The following ARHGAP26 variants were observed in gnomAD, a reference collection of about 807,000 sequenced individuals.
ARHGAP26 encodes the protein rho GTPase-activating protein 26.
A neutral mutation model predicts 104.8 loss-of-function variants in ARHGAP26; 38 were observed. The observed-to-expected ratio is 0.36, with a 90% CI of 0.28 to 0.48. ARHGAP26 has a LOEUF of 0.48. Among genes scored for constraint, ARHGAP26 ranks in the 20% least tolerant of loss-of-function variants. ARHGAP26 has a pLI of 0.99. For synonymous variants in ARHGAP26, 341 were observed against 340.0 expected (o/e 1.00, Z -0.03); for missense variants, 704 against 947.9 (o/e 0.74, Z 3.38).
rs193231341 is a variant in ARHGAP26, at chr5:142,869,741, A to T, written c.155-3659A>T. On this transcript the variant is annotated intron_variant, in intron 1 of 22. Transcript: ENST00000645722. The stretch of plus-strand genomic sequence containing the variant: ...AAAATTAAGGTAGATTCTAATTTTT[A>T]AAAAATTATGGTAAACCTTCTGTGT... Among the ~76,000 whole-genome samples the T allele has an allele frequency of 1.6e-4, 25 of 152,350 alleles. No individual in the cohort carries two copies. In the East Asian group the frequency reaches 4.6e-3, roughly 28 times the overall value.
chr5:142,962,814 T>C (rs1047521790), intron 11 of ARHGAP26, among the ~76,000 whole-genome samples: 1 of 152,024 alleles, frequency 6.6e-6, no homozygotes, highest in African/African-American at 2.4e-5. Flanking sequence ...TAACTTTTAT[T>C]TTAAGTTCAG....
chr5:142,991,573 A>AG (rs2152756852), intron 11 of ARHGAP26, among the ~76,000 whole-genome samples: 1 of 152,162 alleles, frequency 6.6e-6, no homozygotes, highest in Non-Finnish European at 1.5e-5. Flanking sequence ...AGCTGTTCCT[A>AG]TTTGGCCATC....
At chr5:143,014,292 C>T (rs1332584375) in intron 12 of ARHGAP26, 176 bp downstream of exon 12, 7 of 658,234 alleles carry the variant, frequency 1.1e-5, no homozygotes, top group South Asian at 1.8e-5. Context: ...TCCAGAGGGA[C>T]GGTAAGTGAG....
At chr5:142,933,026 A>G (rs1239582061) in intron 11 of ARHGAP26, among the ~76,000 whole-genome samples, 1 of 152,260 alleles carries the variant, frequency 6.6e-6, no homozygotes, top group Non-Finnish European at 1.5e-5. Flanking sequence ...CTGATGATTT[A>G]GGCACAGTTT....
chr5:143,127,655 G>C (rs1245139553), intron 18 of ARHGAP26, among the ~76,000 whole-genome samples: 1 of 152,190 alleles, frequency 6.6e-6, no homozygotes, highest in Non-Finnish European at 1.5e-5. Flanking sequence ...TTACAATGTA[G>C]TTAGCTCAAT....
chr5:143,214,884 A>G (rs555397652), intron 22 of ARHGAP26, among the ~76,000 whole-genome samples: 311 of 152,308 alleles, frequency 2.0e-3, no homozygotes, highest in Non-Finnish European at 3.6e-3. Flanking sequence ...ATCGTTCTCA[A>G]AGCCTCAAGC....
At chr5:143,220,006 T>C (rs759477217) in intron 22 of ARHGAP26, among the ~76,000 whole-genome samples, 8 of 152,182 alleles carry the variant, frequency 5.3e-5, no homozygotes, top group African/African-American at 1.9e-4. Flanking sequence ...CCTCTAATTC[T>C]TCCCTTAGCC....
intron 1 of ARHGAP26, among the ~76,000 whole-genome samples, chr5:142,842,923 T>C (rs1371878060): frequency 2.0e-5 from 3 of 152,200 alleles, no homozygotes; most frequent in South Asian, 2.1e-4. Flanking sequence ...ATGAAAATTA[T>C]CCTCCTTGAA....
intron 1 of ARHGAP26, among the ~76,000 whole-genome samples, chr5:142,778,683 A>G (rs1236157776): frequency 1.3e-5 from 2 of 152,248 alleles, no homozygotes; most frequent in African/African-American, 4.8e-5. Flanking sequence ...GATTATTTGC[A>G]CACCTGCTTT....
At chr5:142,858,061 CTGTG>C (rs746146391) in intron 1 of ARHGAP26, among the ~76,000 whole-genome samples, 1,790 of 134,376 alleles carry the variant, frequency 0.013, 12 homozygotes, top group South Asian at 0.023. Flanking sequence ...GAGAGAGAAT[CTGTG>C]TGTGTGTGTG....
chr5:142,863,768 A>C (rs1275652665), intron 1 of ARHGAP26, among the ~76,000 whole-genome samples: 1 of 152,168 alleles, frequency 6.6e-6, no homozygotes. Context: ...GCTGGATCAC[A>C]TGGGAATTTT....
At chr5:143,016,458 A>C (rs1315635715) in intron 12 of ARHGAP26, among the ~76,000 whole-genome samples, 5 of 152,078 alleles carry the variant, frequency 3.3e-5, no homozygotes, top group African/African-American at 1.2e-4. Flanking sequence ...TAATCCCAGC[A>C]CTTTGGGAGG....
At chr5:143,133,896 G>A in intron 18 of ARHGAP26, 71 bp from the exon 19 acceptor site, 1 of 1,452,504 alleles carries the variant, frequency 6.9e-7, no homozygotes. Context: ...GCTTTCCGTT[G>A]TACTGCTTCA....
At chr5:142,855,881 AT>A (rs35502317) in intron 1 of ARHGAP26, among the ~76,000 whole-genome samples, 24,595 of 152,184 alleles carry the variant, frequency 0.16, 3,185 homozygotes, top group East Asian at 0.56. Flanking sequence ...CCAGTGACTT[AT>A]TACCAGGAAT....
At chr5:142,910,476 C>T (rs181434199) in intron 9 of ARHGAP26, among the ~76,000 whole-genome samples, 188 of 152,332 alleles carry the variant, frequency 1.2e-3, no homozygotes, top group Admixed American at 2.6e-3. Flanking sequence ...TGGTGGCTCA[C>T]GCCTGTTAAT....
chr5:142,997,286 G>A (rs1310121408), intron 11 of ARHGAP26, among the ~76,000 whole-genome samples: 1 of 152,114 alleles, frequency 6.6e-6, no homozygotes, highest in Non-Finnish European at 1.5e-5. Context: ...TTGTAGGCAT[G>A]GGTAGAGTGG....
chr5:143,081,154 A>G (rs930303661), intron 17 of ARHGAP26, among the ~76,000 whole-genome samples: 1 of 152,102 alleles, frequency 6.6e-6, no homozygotes, highest in African/African-American at 2.4e-5. Flanking sequence ...CTCTCAGCAT[A>G]CAGATTATTC....
chr5:142,889,184 G>A lies in ARHGAP26; in HGVS notation c.486+3785G>A, dbSNP rs1346763948. 2.0e-5 allele frequency among the ~76,000 whole-genome samples: 3 copies of A among 152,206 alleles called. No individual in the cohort carries two copies. The East Asian group carries it at 5.8e-4, about 29-fold the overall frequency. ...GACATGCCTTTGGTGCTGACTGATG[G>A]CCACATGGGGATCAATTCATTCATT... On this transcript the variant is annotated intron_variant, in intron 5 of 22. Transcript: ENST00000645722.
At chr5:143,147,588 T>A in intron 20 of ARHGAP26, 1 of 545,144 alleles carries the variant, frequency 1.8e-6, no homozygotes, top group Non-Finnish European at 3.1e-6. Flanking sequence ...ACATACTGCT[T>A]CTTAGCCTTG....
Sources: allele counts gnomAD v4.1 joint callset (sites outside exome capture counted in the v4.1 genomes callset), GRCh38; gene constraint gnomAD v4.1.1; transcripts MANE v1.5; gene names NCBI Gene and HGNC (gene_info 2026-07-23, HGNC 2026-07-21).